The following ANGPT1 variants were observed in gnomAD, a reference collection of about 807,000 sequenced individuals.
The protein encoded by ANGPT1 is angiopoietin-1.
Under a neutral mutation model 62.2 loss-of-function variants are expected in ANGPT1, and 17 were observed. The ratio of observed to expected loss-of-function variants is 0.27; its 90% CI spans 0.19 to 0.41. The LOEUF (loss-of-function observed/expected upper bound fraction) is 0.41. Among genes scored for constraint, ANGPT1 ranks in the 10% least tolerant of loss-of-function variants. The probability of loss-of-function intolerance (pLI) is 1.00; values close to 1 mark genes in which losing one functional copy is unlikely to be tolerated. For synonymous variants in ANGPT1, 199 were observed against 198.9 expected, an observed-to-expected ratio of 1.00 and a Z score of 0.00; for missense variants, 478 against 594.9, an observed-to-expected ratio of 0.80 and a Z score of 2.04.
chr8:107,290,338 C>T (rs1310139795), intron 6 of ANGPT1, among the ~76,000 whole-genome samples: 2 of 152,212 alleles, frequency 1.3e-5, no homozygotes, highest in Non-Finnish European at 2.9e-5. Flanking sequence ...AGAAATGTAG[C>T]ATCCTAGTAT....
chr8:107,426,966 A>G (rs1811056572), intron 1 of ANGPT1, among the ~76,000 whole-genome samples: 1 of 152,192 alleles, frequency 6.6e-6, no homozygotes. Context: ...GACCCTCCAT[A>G]TATTTAAATA....
chr8:107,253,205 C>T (rs1032235929), intron 8 of ANGPT1, among the ~76,000 whole-genome samples: 12 of 152,100 alleles, frequency 7.9e-5, no homozygotes, highest in Admixed American at 6.6e-4. Context: ...CATTATATTC[C>T]GTGCAGTTTT....
intron 7 of ANGPT1, among the ~76,000 whole-genome samples, chr8:107,265,989 C>T (rs959939751): frequency 3.3e-5 from 5 of 152,116 alleles, no homozygotes; most frequent in Admixed American, 1.3e-4. Context: ...AAGTAAACCT[C>T]AGTCAGTTTT....
At chr8:107,388,738 T>C (rs1816780559) in intron 1 of ANGPT1, among the ~76,000 whole-genome samples, 1 of 152,158 alleles carries the variant, frequency 6.6e-6, no homozygotes, top group African/African-American at 2.4e-5. Context: ...CAGAGATTAG[T>C]GGCAGAGCCG....
At chr8:107,448,571 C>T (rs1369398596) in intron 1 of ANGPT1, among the ~76,000 whole-genome samples, 4 of 152,072 alleles carry the variant, frequency 2.6e-5, no homozygotes, top group African/African-American at 9.7e-5. Flanking sequence ...CTAGGGAGTA[C>T]AGGAGAGGAC....
intron 1 of ANGPT1, among the ~76,000 whole-genome samples, chr8:107,371,371 T>C (rs1458602963): frequency 1.3e-5 from 2 of 152,150 alleles, no homozygotes; most frequent in African/African-American, 4.8e-5. Flanking sequence ...CTTTTCACTC[T>C]TGTTCTCCCC....
At chr8:107,482,522 C>G (rs1279259695) in intron 1 of ANGPT1, among the ~76,000 whole-genome samples, 1 of 152,132 alleles carries the variant, frequency 6.6e-6, no homozygotes, top group Non-Finnish European at 1.5e-5. Context: ...CACAGTAGCT[C>G]AGGGCATGAG....
chr8:107,326,181 T>C (rs913594937), intron 3 of ANGPT1, among the ~76,000 whole-genome samples: 4 of 152,068 alleles, frequency 2.6e-5, no homozygotes, highest in Non-Finnish European at 5.9e-5. Context: ...AGACTGTCCA[T>C]GGAACTAAGA....
At chr8:107,257,623 G>A (rs1052879450) in intron 8 of ANGPT1, among the ~76,000 whole-genome samples, 3 of 152,146 alleles carry the variant, frequency 2.0e-5, no homozygotes, top group Non-Finnish European at 4.4e-5. Flanking sequence ...AAAACAGCTT[G>A]CACAGAAATT....
At chr8:107,274,976 C>T (rs1813827458) in intron 7 of ANGPT1, among the ~76,000 whole-genome samples, 1 of 152,024 alleles carries the variant, frequency 6.6e-6, no homozygotes, top group Non-Finnish European at 1.5e-5. Context: ...AGTGGGAGGA[C>T]ATGGAAGGGG....
chr8:107,338,926 G>A (rs1815633804), intron 2 of ANGPT1, among the ~76,000 whole-genome samples: 1 of 152,204 alleles, frequency 6.6e-6, no homozygotes, highest in Admixed American at 6.5e-5. Flanking sequence ...ATTTGCTTAT[G>A]AGGTACATTG....
chr8:107,310,366 T>C (rs575897935), intron 4 of ANGPT1, among the ~76,000 whole-genome samples: 11 of 152,284 alleles, frequency 7.2e-5, no homozygotes, highest in African/African-American at 2.6e-4. Flanking sequence ...ACTATAAAGC[T>C]GAAAATCTTA....
intron 1 of ANGPT1, among the ~76,000 whole-genome samples, chr8:107,459,514 AACAACAACAACAAC>A (rs1460305289): frequency 3.3e-5 from 5 of 152,034 alleles, no homozygotes; most frequent in Non-Finnish European, 7.4e-5. Context: ...CAACAACAAC[AACAACAACAACAAC>A]AAAACAAGTA....
intron 1 of ANGPT1, among the ~76,000 whole-genome samples, chr8:107,377,715 A>G (rs376368051): frequency 6.6e-6 from 1 of 152,192 alleles, no homozygotes; most frequent in Non-Finnish European, 1.5e-5. Flanking sequence ...AGCCAATGTT[A>G]CATCACAAGT....
intron 4 of ANGPT1, among the ~76,000 whole-genome samples, chr8:107,317,041 A>C (rs1815030628): frequency 6.6e-6 from 1 of 152,194 alleles, no homozygotes; most frequent in Non-Finnish European, 1.5e-5. Flanking sequence ...TAAAATCCCC[A>C]AGAAAACTCT....
intron 1 of ANGPT1, among the ~76,000 whole-genome samples, chr8:107,477,657 C>CT (rs752589283): frequency 6.6e-6 from 1 of 152,108 alleles, no homozygotes. Flanking sequence ...TTTATTCCTG[C>CT]TTTCTTTGCC....
At position 107,336,152 on chromosome 8, in the gene ANGPT1, G is replaced by A. The variant is rs771315667; in HGVS notation, c.573C>T (p.Asn191=). The change falls in exon 3 of 9, where the codon AAC becomes AAT. Residue 191 remains asparagine, a splice_region_variant and synonymous_variant. Coordinates refer to ENST00000517746, the MANE Select transcript of ANGPT1 (RefSeq NM_001146.5). ...TNEILKIHEK[N]SLLEHKILEM... is the part of the protein sequence containing the mutation. Reference sequence around the variant, plus strand: ...TTTTGGAATAAAGCAATCCTCACCTGTTTTTTTCATGGATCTTCAAGATTT... The same window carrying A: ...TTTTGGAATAAAGCAATCCTCACCTATTTTTTTCATGGATCTTCAAGATTT... 6.2e-7 allele frequency: 1 copy of A among 1,600,366 alleles called. No homozygotes were observed. The highest frequency in any genetic ancestry group is 1.8e-5 in the Admixed American group (1 of 56,278).
intron 1 of ANGPT1, among the ~76,000 whole-genome samples, chr8:107,415,340 T>C (rs1810711570): frequency 6.6e-6 from 1 of 152,150 alleles, no homozygotes. Context: ...GGCTTGTATT[T>C]TGAGTCAACT....
intron 7 of ANGPT1, among the ~76,000 whole-genome samples, chr8:107,275,121 A>T (rs1257844454): frequency 2.6e-5 from 4 of 152,166 alleles, no homozygotes. Context: ...TTTCATCCAC[A>T]GTAGCTTGCA....
Sources: allele counts gnomAD v4.1 joint callset (sites outside exome capture counted in the v4.1 genomes callset), GRCh38; gene constraint gnomAD v4.1.1; transcripts MANE v1.5; gene names NCBI Gene and HGNC (gene_info 2026-07-23, HGNC 2026-07-21).